Variants in TRIM37 observed in about 807,000 individuals in gnomAD.
The protein encoded by TRIM37 is tripartite motif containing 37.
A neutral mutation model predicts 129.8 loss-of-function variants in TRIM37; 80 were observed. That is an observed-to-expected ratio of 0.62 (90% CI 0.51 to 0.74). The LOEUF (loss-of-function observed/expected upper bound fraction) is 0.74. Ranked by LOEUF, TRIM37 falls within the 30% of genes least tolerant of loss-of-function variation. The pLI is 0.00. For synonymous variants in TRIM37, 389 were observed against 387.1 expected (o/e 1.00, Z -0.06); for missense variants, 1,054 against 1,176.5 (o/e 0.90, Z 1.52).
At chr17:59,051,457 T>C in intron 13 of TRIM37, 129 bp from the exon 14 acceptor site, 1 of 706,628 alleles carries the variant, frequency 1.4e-6, no homozygotes, top group Non-Finnish European at 2.6e-6. Flanking sequence ...GAGCTGCTAG[T>C]ATTTGTTGTT....
At position 59,061,070 on chromosome 17, in the gene TRIM37, C is replaced by T; in HGVS notation, c.981G>A (p.Val327=). The part of the protein sequence containing the change: ...NGVVRGYYLS[V]FLELSAGLPE... ...GCAAGCCAGCTGAGAGCTCCAGAAA[C>T]ACAGATAAGTAGTAACCTCGCACAA... Residue 327 remains valine, a synonymous_variant, in exon 12 of 24, where the codon GTG becomes GTA. Coordinates refer to ENST00000262294, the MANE Select transcript of TRIM37 (RefSeq NM_015294.6). 6.2e-7 allele frequency: 1 copy of T among 1,613,626 alleles called. No individual in the cohort carries two copies.
downstream of TRIM37, among the ~76,000 whole-genome samples, chr17:58,994,699 A>G (rs1433164158): frequency 6.6e-6 from 1 of 152,050 alleles, no homozygotes; most frequent in Non-Finnish European, 1.5e-5. Flanking sequence ...TCTTGGAACC[A>G]ATCCCTCACA....
chr17:59,017,292 T>C lies in TRIM37; in HGVS notation c.2386+4A>G, dbSNP rs1283388109. 2.5e-6 allele frequency: 4 copies of C among 1,614,028 alleles called. No homozygotes were observed. Among genetic ancestry groups the C allele is most frequent in the Admixed American group, 3.3e-5 (2 of 60,010 alleles). On this transcript the variant is annotated splice_donor_region_variant and intron_variant, in intron 20 of 23. Transcript: ENST00000262294. ...AAAGTACATTCTGAATCCCTCAAAT[T>C]TACCTTCAGACAGAGTCTGACAGTC...
At chr17:59,004,474 A>G (rs867709717) in intron 22 of TRIM37, among the ~76,000 whole-genome samples, 3 of 152,134 alleles carry the variant, frequency 2.0e-5, no homozygotes, top group South Asian at 2.1e-4. Context: ...AAATCAGCAG[A>G]AAAACAAAAA....
the TRIM37 span, among the ~76,000 whole-genome samples, chr17:58,975,055 A>G: frequency 1.4e-4 from 22 of 152,294 alleles, no homozygotes; most frequent in Non-Finnish European, 2.8e-4. Context: ...TATCATGCAC[A>G]TTGTAGGTTT....
chr17:59,042,673 G>GA (rs2145933557), intron 16 of TRIM37, among the ~76,000 whole-genome samples: 1 of 150,326 alleles, frequency 6.7e-6, no homozygotes, highest in African/African-American at 2.4e-5. Context: ...TGAGGCAGCA[G>GA]AATCGGTTGA....
chr17:59,063,552 C>T lies in TRIM37; in HGVS notation c.860+803G>A, dbSNP rs1237065403. Among the ~76,000 whole-genome samples, 3 of 152,172 alleles carry T rather than the reference C, an allele frequency of 2.0e-5. No individual in the cohort carries two copies. In the East Asian group the frequency reaches 5.8e-4, roughly 29 times the overall value. On this transcript the variant is annotated intron_variant, in intron 10 of 23. Transcript: ENST00000262294. The stretch of plus-strand genomic sequence containing the variant: ...CCTGAAGACCTTATAGTCCTTGTTT[C>T]CACTTCCATGCTGCCCTCAAAGACA...
chr17:59,093,774 T>A (rs888352700), intron 2 of TRIM37, among the ~76,000 whole-genome samples: 5 of 152,212 alleles, frequency 3.3e-5, no homozygotes, highest in African/African-American at 1.2e-4. Flanking sequence ...TCCCTCCATA[T>A]CCCGTCTCAT....
chr17:59,071,070 T>C, intron 8 of TRIM37, 123 bp from the exon 9 acceptor site: 1 of 1,126,238 alleles, frequency 8.9e-7, no homozygotes, highest in Non-Finnish European at 1.3e-6. Flanking sequence ...TAACTCAAAG[T>C]GAGCTTGAGA....
downstream of TRIM37, chr17:58,981,189 A>AGTG (rs763649485): frequency 3.8e-4 from 228 of 601,746 alleles, 2 homozygotes; most frequent in Non-Finnish European, 4.2e-4. Flanking sequence ...CTCAAAGTAC[A>AGTG]GTGTTTTCAA....
At chr17:58,986,172 C>T (rs759541079) in intron 24 of TRIM37, among the ~76,000 whole-genome samples, 1 of 152,018 alleles carries the variant, frequency 6.6e-6, no homozygotes, top group African/African-American at 2.4e-5. Context: ...CCCCCACACC[C>T]GCCCCCTGTT....
At chr17:58,980,278 G>C (rs541132971), downstream of TRIM37, 5 of 1,614,076 alleles carry the variant, frequency 3.1e-6, no homozygotes, top group African/African-American at 5.3e-5. This position sits in a 1 kb window ranked among gnomAD's most constrained non-coding sequence, Gnocchi z 4.7. Context: ...ATTGGACAGA[G>C]AACTCTTTTC....
chr17:59,017,785 C>T (rs2036135603), intron 19 of TRIM37, among the ~76,000 whole-genome samples: 1 of 152,068 alleles, frequency 6.6e-6, no homozygotes, highest in Non-Finnish European at 1.5e-5. Flanking sequence ...CCACCATGCC[C>T]AGCTAATTTT....
At chr17:59,061,336 C>T (rs1047130685) in intron 11 of TRIM37, among the ~76,000 whole-genome samples, 4 of 151,402 alleles carry the variant, frequency 2.6e-5, no homozygotes, top group Non-Finnish European at 5.9e-5. Context: ...TCAACAACCA[C>T]AACAAAGGTT....
chr17:58,996,435 A>G (rs1232672967), downstream of TRIM37, among the ~76,000 whole-genome samples: 1 of 148,256 alleles, frequency 6.7e-6, no homozygotes, highest in African/African-American at 2.5e-5. Flanking sequence ...ATGCCACTGC[A>G]CTCCAGCCTG....
At chr17:59,055,102 C>T (rs561953480) in intron 13 of TRIM37, among the ~76,000 whole-genome samples, 4 of 151,556 alleles carry the variant, frequency 2.6e-5, no homozygotes, top group Non-Finnish European at 4.4e-5. Flanking sequence ...TATGGGAGGC[C>T]GAAGTGGGTG....
At chr17:59,078,861 A>G (rs2043033753) in intron 7 of TRIM37, among the ~76,000 whole-genome samples, 1 of 152,170 alleles carries the variant, frequency 6.6e-6, no homozygotes, top group South Asian at 2.1e-4. Context: ...GGTCTGTGGG[A>G]AAAAAACTAA....
chr17:59,062,430 G>A (rs1196785699), intron 11 of TRIM37, 137 bp downstream of exon 11: 14 of 713,022 alleles, frequency 2.0e-5, no homozygotes, highest in Non-Finnish European at 3.2e-5. Context: ...GGGGGAAGAA[G>A]GGGAACAGGG....
chr17:58,969,929 A>G, the TRIM37 span, among the ~76,000 whole-genome samples: 2 of 152,216 alleles, frequency 1.3e-5, no homozygotes, highest in Admixed American at 6.5e-5. Flanking sequence ...GGTACTGTAT[A>G]GAAAATCTCA....
Sources: allele counts gnomAD v4.1 joint callset (sites outside exome capture counted in the v4.1 genomes callset), GRCh38; gene constraint gnomAD v4.1.1; non-coding constraint Gnocchi (gnomAD v3.1); transcripts MANE v1.5; gene names NCBI Gene and HGNC (gene_info 2026-07-23, HGNC 2026-07-21).